The following TAF1A variants were observed in gnomAD, a reference collection of about 807,000 sequenced individuals.
TAF1A encodes the protein TATA-box binding protein associated factor, RNA polymerase I subunit A.
TAF1A carries 42 observed loss-of-function variants against 61.6 expected under a neutral mutation model. The observed-to-expected ratio is 0.68, with a 90% CI of 0.53 to 0.88. TAF1A has a LOEUF of 0.88. Ranked by LOEUF, TAF1A falls within the 40% of genes least tolerant of loss-of-function variation. The pLI is 0.00. For missense variants in TAF1A, 424 were observed against 518.7 expected, an observed-to-expected ratio of 0.82 and a Z score of 1.77; for synonymous variants, 179 against 177.7, an observed-to-expected ratio of 1.01 and a Z score of -0.06.
intron 3 of TAF1A, among the ~76,000 whole-genome samples, chr1:222,580,937 G>C (rs559368997): frequency 1.3e-5 from 2 of 152,104 alleles, no homozygotes; most frequent in Admixed American, 6.5e-5. Flanking sequence ...TGGATCACGA[G>C]GTCAGGAGAG....
downstream of TAF1A, among the ~76,000 whole-genome samples, chr1:222,556,800 T>C (rs1427167018): frequency 6.6e-6 from 1 of 152,236 alleles, no homozygotes; most frequent in Admixed American, 6.5e-5. Context: ...ATCATAGTCC[T>C]GTTTTATAGC....
chr1:222,557,898 T>G (rs1659766901), downstream of TAF1A: 2 of 151,436 alleles, frequency 1.3e-5, no homozygotes, highest in African/African-American at 4.9e-5. Context: ...TTTTTTTTTT[T>G]TTTGAGACAG....
At chr1:222,560,797 T>C (rs1267670724) in intron 10 of TAF1A, among the ~76,000 whole-genome samples, 1 of 152,216 alleles carries the variant, frequency 6.6e-6, no homozygotes, top group East Asian at 1.9e-4. Context: ...TTCATTTCGG[T>C]ACTGGCCACC....
chr1:222,575,436 A>T (rs912365641), intron 5 of TAF1A, among the ~76,000 whole-genome samples: 5 of 152,090 alleles, frequency 3.3e-5, no homozygotes, highest in Admixed American at 6.6e-5. Context: ...TGAGCCCAGG[A>T]GGTCGAGGCT....
chr1:222,576,540 A>G (rs1660578954), intron 5 of TAF1A, among the ~76,000 whole-genome samples: 1 of 152,218 alleles, frequency 6.6e-6, no homozygotes, highest in South Asian at 2.1e-4. Context: ...AGAATCATAC[A>G]GTTCCAGTGA....
downstream of TAF1A, among the ~76,000 whole-genome samples, chr1:222,554,332 C>T (rs1659704209): frequency 6.6e-6 from 1 of 152,180 alleles, no homozygotes; most frequent in African/African-American, 2.4e-5. Context: ...ACCTTCATAA[C>T]TATGAAAACA....
intron 5 of TAF1A, 110 bp from the exon 6 acceptor site, chr1:222,570,775 A>G: frequency 9.9e-7 from 1 of 1,011,778 alleles, no homozygotes; most frequent in South Asian, 2.2e-5. Context: ...GATAGCTACA[A>G]CAGTAAATTC....
intron 5 of TAF1A, among the ~76,000 whole-genome samples, chr1:222,572,771 C>A (rs1269767507): frequency 6.6e-6 from 1 of 152,152 alleles, no homozygotes; most frequent in Non-Finnish European, 1.5e-5. Context: ...TGGGCCCCTA[C>A]CTACTTCATA....
chr1:222,584,222 A>T lies in TAF1A; in HGVS notation c.197T>A (p.Leu66Gln), dbSNP rs776069221. The T allele has an allele frequency of 1.3e-5, 21 of 1,612,800 alleles. No individual in the cohort carries two copies. The highest frequency in any genetic ancestry group is 4.0e-5 in the African/African-American group (3 of 74,898). ...TGCAGCTTGCTGCCATTGGTGCTTC[A>T]GCAGAGCTTCTTGGATAAAACTTAA... is the stretch of plus-strand genomic sequence containing the variant. ...ACLSFIQEAL[L>Q]KHQWQQAAEY... Residue 66 changes from leucine to glutamine, a missense_variant, in exon 3 of 11, where the codon CTG (leucine) becomes CAG (glutamine). Transcript: ENST00000352967.
At position 222,569,603 on chromosome 1, in the gene TAF1A, T is replaced by C. The variant is rs1444951124; in HGVS notation, c.801A>G (p.Glu267=). Residue 267 remains glutamate (E), a synonymous_variant, in exon 7 of 11, where the codon GAA becomes GAG. Transcript: ENST00000352967. ...QEVLTNYAYD[E]KFPSNPNAHI... is the part of the protein sequence containing the mutation. ...GGGCATTTGGATTTGATGGAAACTTTTCATCATATGCATAATTGGTGAGTA... is the reference window on the plus strand; with the variant it reads ...GGGCATTTGGATTTGATGGAAACTTCTCATCATATGCATAATTGGTGAGTA... The C allele has an allele frequency of 6.2e-7, 1 of 1,614,064 alleles. No individual in the cohort carries two copies. The highest frequency in any genetic ancestry group is 8.5e-7 in the Non-Finnish European group (1 of 1,179,944).
At chr1:222,554,203 T>G (rs1659702760), downstream of TAF1A, among the ~76,000 whole-genome samples, 1 of 152,240 alleles carries the variant, frequency 6.6e-6, no homozygotes, top group Non-Finnish European at 1.5e-5. Flanking sequence ...TTGATAAGAT[T>G]ATCTGGGAGT....
At chr1:222,583,827 G>A (rs1408456329) in intron 3 of TAF1A, among the ~76,000 whole-genome samples, 1 of 137,244 alleles carries the variant, frequency 7.3e-6, no homozygotes, top group African/African-American at 2.8e-5. Flanking sequence ...GACAGAGCAA[G>A]ACTCCGTCTC....
chr1:222,581,143 A>G (rs1571825136), intron 3 of TAF1A, among the ~76,000 whole-genome samples: 1 of 152,188 alleles, frequency 6.6e-6, no homozygotes, highest in African/African-American at 2.4e-5. Flanking sequence ...GACTCAATAG[A>G]CAGGGGTGGA....
rs372177469 is a variant in TAF1A at position 222,584,141 on chromosome 1, T to C, written c.278A>G (p.Gln93Arg). ...TLEDSDSYKR[Q>R]AAPEIIWKLG... ...AATTTTATTTACCTCAGGTGCAGCC[T>C]GCCTTTTGTAGCTATCTGAATCTTC... is the stretch of plus-strand genomic sequence containing the variant. Residue 93 changes from glutamine (Q) to arginine (R), a missense_variant, in exon 3 of 11, where the codon CAG (glutamine) becomes CGG (arginine). Physicochemically the swap from Gln to Arg is conservative, Grantham distance 43. Transcript: ENST00000352967. 3.0e-5 allele frequency: 49 copies of C among 1,609,236 alleles called. No homozygotes were observed. Among genetic ancestry groups the C allele is most frequent in the Non-Finnish European group, 5.1e-6 (6 of 1,178,762 alleles).
At chr1:222,574,827 A>C (rs1003217996) in intron 5 of TAF1A, among the ~76,000 whole-genome samples, 1 of 152,170 alleles carries the variant, frequency 6.6e-6, no homozygotes, top group Admixed American at 6.5e-5. Flanking sequence ...GTATAAAGAA[A>C]AACCAGTGAG....
chr1:222,585,823 A>G (rs1660992927), intron 2 of TAF1A, among the ~76,000 whole-genome samples: 1 of 152,218 alleles, frequency 6.6e-6, no homozygotes, highest in Non-Finnish European at 1.5e-5. Context: ...TTTTTTTTAA[A>G]ATGAATAACG....
chr1:222,571,339 T>C (rs1603742), intron 5 of TAF1A, among the ~76,000 whole-genome samples: 23,898 of 152,072 alleles, frequency 0.16, 2,026 homozygotes, highest in African/African-American at 0.22. Flanking sequence ...AAAAATGTCT[T>C]TTCTCACTAC....
At chr1:222,557,750 T>C (rs1659755367), downstream of TAF1A, among the ~76,000 whole-genome samples, 1 of 152,078 alleles carries the variant, frequency 6.6e-6, no homozygotes, top group Non-Finnish European at 1.5e-5. Context: ...GTTAGGCCAG[T>C]GCCAGCTGAA....
At position 222,577,656 on chromosome 1, in the gene TAF1A, T is replaced by C. The variant is rs745358449; in HGVS notation, c.406-13A>G. The C allele has an allele frequency of 8.7e-6, 14 of 1,610,870 alleles. No homozygotes were observed. In the East Asian group the frequency reaches 2.5e-4, roughly 28 times the overall value. On this transcript the variant is annotated splice_polypyrimidine_tract_variant and intron_variant, in intron 4 of 10. Coordinates refer to ENST00000352967, the MANE Select transcript of TAF1A (RefSeq NM_005681.4). ...GTTGTAAGGAGATCTGCAAAAATAA[T>C]AAGGGTACACCGCCATTTAAGCCAT...
Sources: allele counts gnomAD v4.1 joint callset (sites outside exome capture counted in the v4.1 genomes callset), GRCh38; gene constraint gnomAD v4.1.1; transcripts MANE v1.5; gene names NCBI Gene and HGNC (gene_info 2026-07-23, HGNC 2026-07-21).